Variants in PDE8A observed in about 807,000 individuals in gnomAD.
The protein encoded by PDE8A is high affinity cAMP-specific and IBMX-insensitive 3',5'-cyclic phosphodiesterase 8A.
A neutral mutation model predicts 105.0 loss-of-function variants in PDE8A; 59 were observed. That is an observed-to-expected ratio of 0.56 (90% CI 0.46 to 0.70). PDE8A has a LOEUF of 0.70. PDE8A is among the 30% of genes least tolerant of loss of function. The pLI, the probability that PDE8A is intolerant of heterozygous loss-of-function variation, is 0.00. For synonymous variants in PDE8A, 355 were observed against 371.9 expected (o/e 0.95, Z 0.52); for missense variants, 1,014 against 1,045.9 (o/e 0.97, Z 0.42).
At chr15:85,005,361 C>T (rs2080129944) in intron 1 of PDE8A, among the ~76,000 whole-genome samples, 1 of 152,196 alleles carries the variant, frequency 6.6e-6, no homozygotes, top group Admixed American at 6.5e-5. Context: ...AGCAATCTTC[C>T]TGCCTTGGCC....
chr15:85,046,949 C>T (rs1172270009), intron 1 of PDE8A, among the ~76,000 whole-genome samples: 1 of 152,090 alleles, frequency 6.6e-6, no homozygotes, highest in African/African-American at 2.4e-5. Flanking sequence ...AAATCAACAC[C>T]ATCATATTGT....
intron 11 of PDE8A, among the ~76,000 whole-genome samples, chr15:85,108,195 G>A (rs1212392270): frequency 6.6e-6 from 1 of 152,200 alleles, no homozygotes; most frequent in Admixed American, 6.5e-5. Flanking sequence ...AGCAAGTGAA[G>A]AGCCTTTTCG....
intron 2 of PDE8A, 29 bp downstream of exon 2, chr15:85,064,455 C>G: frequency 6.7e-7 from 1 of 1,495,682 alleles, no homozygotes; most frequent in Non-Finnish European, 9.3e-7. Context: ...GTATTTTTCA[C>G]ATGCTGATTT....
Position 84,982,231 on chromosome 15 carries a change from A to T in PDE8A, c.69A>T (p.Ala23=). The T allele has an allele frequency of 1.4e-6, 2 of 1,473,342 alleles. No individual in the cohort carries two copies. Among genetic ancestry groups the T allele is most frequent in the Non-Finnish European group, 1.8e-6 (2 of 1,120,196 alleles). 91.3% of individuals were successfully genotyped at this position (1,473,342 alleles called of 1,614,324 possible). The part of the protein sequence containing the change: ...LVAEDAPSPA[A]PPLSSGGPRL... ...CCGAGGACGCGCCTAGCCCCGCGGC[A>T]CCGCCGCTGTCGTCCGGCGGGCCGC... is the stretch of plus-strand genomic sequence containing the variant. Residue 23 remains alanine, a synonymous_variant, in exon 1 of 22, where the codon GCA becomes GCT. Transcript: ENST00000394553.
chr15:85,012,404 T>G (rs2080254265), intron 1 of PDE8A, among the ~76,000 whole-genome samples: 1 of 152,128 alleles, frequency 6.6e-6, no homozygotes, highest in Non-Finnish European at 1.5e-5. Context: ...TGTAGGGACC[T>G]GGATGAAATT....
intron 13 of PDE8A, 149 bp downstream of exon 13, chr15:85,113,596 ATG>A: frequency 1.4e-6 from 1 of 735,416 alleles, no homozygotes. Flanking sequence ...AAGAGAGAGG[ATG>A]TGTGACATGG....
At chr15:84,999,073 T>G (rs1269218601) in intron 1 of PDE8A, among the ~76,000 whole-genome samples, 8 of 151,978 alleles carry the variant, frequency 5.3e-5, no homozygotes, top group Non-Finnish European at 1.2e-4. Context: ...AATTCTCCCA[T>G]CTACACAGAG....
At chr15:84,984,506 T>C (rs992315493) in intron 1 of PDE8A, among the ~76,000 whole-genome samples, 1 of 152,216 alleles carries the variant, frequency 6.6e-6, no homozygotes, top group Non-Finnish European at 1.5e-5. Flanking sequence ...AAATTTCTTA[T>C]TAAAACTGTA....
chr15:85,121,735 C>A (rs2082185925), intron 18 of PDE8A, among the ~76,000 whole-genome samples: 1 of 151,834 alleles, frequency 6.6e-6, no homozygotes, highest in South Asian at 2.1e-4. Context: ...AGAATATTAC[C>A]CCTTCGATAG....
chr15:85,023,954 A>G (rs974972519), intron 1 of PDE8A, among the ~76,000 whole-genome samples: 1 of 152,106 alleles, frequency 6.6e-6, no homozygotes, highest in Admixed American at 6.5e-5. Flanking sequence ...GTTTGGTGGA[A>G]CTGGCTGTCC....
At chr15:85,099,986 A>G (rs1311298111) in intron 9 of PDE8A, 29 bp from the exon 10 acceptor site, 2 of 1,570,272 alleles carry the variant, frequency 1.3e-6, no homozygotes, top group Non-Finnish European at 1.7e-6. Flanking sequence ...GACTCAGAAG[A>G]GAAATAATGC....
chr15:85,095,082 C>T (rs2081720479), intron 8 of PDE8A, among the ~76,000 whole-genome samples: 1 of 152,028 alleles, frequency 6.6e-6, no homozygotes, highest in African/African-American at 2.4e-5. Flanking sequence ...CTCAAGACAG[C>T]GGGTGCCAAG....
intron 1 of PDE8A, among the ~76,000 whole-genome samples, chr15:85,040,390 A>AT (rs1300976833): frequency 6.8e-5 from 10 of 147,898 alleles, no homozygotes; most frequent in Non-Finnish European, 6.0e-5. Context: ...AAAAAAAAAA[A>AT]GAAAAGAAAA....
At chr15:85,090,420 G>A (rs569428190) in intron 7 of PDE8A, among the ~76,000 whole-genome samples, 2 of 152,120 alleles carry the variant, frequency 1.3e-5, no homozygotes, top group African/African-American at 2.4e-5. Context: ...TCATTAGCAC[G>A]TGCACAGTTT....
At chr15:85,037,065 ATTT>A (rs756347084) in intron 1 of PDE8A, among the ~76,000 whole-genome samples, 3 of 141,474 alleles carry the variant, frequency 2.1e-5, no homozygotes, top group Non-Finnish European at 1.6e-5. Flanking sequence ...TACTGGACTA[ATTT>A]TTTTTTTTTT....
At chr15:85,120,739 G>T in intron 17 of PDE8A, 58 bp from the exon 18 acceptor site, 1 of 1,054,556 alleles carries the variant, frequency 9.5e-7, no homozygotes, top group Non-Finnish European at 1.4e-6. Context: ...AAACTATACA[G>T]AAGGCTTCCT....
At chr15:85,077,040 G>T (rs2081390722) in intron 5 of PDE8A, among the ~76,000 whole-genome samples, 1 of 151,968 alleles carries the variant, frequency 6.6e-6, no homozygotes, top group Non-Finnish European at 1.5e-5. Context: ...AAAAATTACT[G>T]TCCTTGTTTT....
intron 1 of PDE8A, among the ~76,000 whole-genome samples, chr15:84,992,672 G>T (rs542754813): frequency 6.6e-6 from 1 of 152,148 alleles, no homozygotes; most frequent in Non-Finnish European, 1.5e-5. Flanking sequence ...AGTAGTTTGG[G>T]AGAGGAGGGA....
At chr15:85,077,704 T>A (rs2081399557) in intron 5 of PDE8A, among the ~76,000 whole-genome samples, 1 of 152,092 alleles carries the variant, frequency 6.6e-6, no homozygotes, top group Non-Finnish European at 1.5e-5. Flanking sequence ...CCTCAGAGAT[T>A]AGTTATGAGA....
Sources: allele counts gnomAD v4.1 joint callset (sites outside exome capture counted in the v4.1 genomes callset), GRCh38; gene constraint gnomAD v4.1.1; transcripts MANE v1.5; gene names NCBI Gene and HGNC (gene_info 2026-07-23, HGNC 2026-07-21).